Variants in YIPF2 observed in about 807,000 individuals in gnomAD.
YIPF2 encodes the protein Yip1 domain family member 2, also known as protein YIPF2.
Under a neutral mutation model 38.8 loss-of-function variants are expected in YIPF2, and 30 were observed. The ratio of observed to expected loss-of-function variants is 0.77; its 90% CI spans 0.58 to 1.05. The LOEUF (loss-of-function observed/expected upper bound fraction) is 1.05. YIPF2 is among the 50% of genes least tolerant of loss of function. YIPF2 has a pLI of 0.00. For synonymous variants in YIPF2, 194 were observed against 183.8 expected (o/e 1.06, Z -0.45); for missense variants, 401 against 409.7 (o/e 0.98, Z 0.18).
At position 10,923,533 on chromosome 19, in the gene YIPF2, C is replaced by A. The variant is rs746967829; in HGVS notation, c.796G>T (p.Val266Phe). The A allele has an allele frequency of 1.4e-5, 22 of 1,612,444 alleles. No individual in the cohort carries two copies. The Admixed American group carries it at 3.7e-4, about 27-fold the overall frequency. Reference sequence around the variant, plus strand: ...GCCAGGAGGGCGTGGAGCAGCACGACCACGGACAGCAGCACTGTGGCCACC... The same window carrying A: ...GCCAGGAGGGCGTGGAGCAGCACGAACACGGACAGCAGCACTGTGGCCACC... ...RLVATVLLSV[V>F]VLLHALLAMG... The change falls in exon 8 of 10, where the codon GTC becomes TTC. Residue 266 changes from valine (V) to phenylalanine (F), a missense_variant. Coordinates refer to ENST00000586748, the MANE Select transcript of YIPF2 (RefSeq NM_001321439.2).
chr19:10,923,919 C>T lies in YIPF2; in HGVS notation c.565G>A (p.Gly189Ser). The T allele has an allele frequency of 6.2e-7, 1 of 1,613,268 alleles. No homozygotes were observed. The highest frequency in any genetic ancestry group is 8.5e-7 in the Non-Finnish European group (1 of 1,179,734). ...TAGGGCCCCATGCGCTCCTGGACAC[C>T]CTTGCGCCACCGCAGGAAGCCCCAC... ...ALWGFLRWRKGVQERMGPYTF... is the reference protein window; with the variant it reads ...ALWGFLRWRKSVQERMGPYTF... Residue 189 changes from glycine (G) to serine (S), a missense_variant, in exon 7 of 10, where the codon GGT becomes AGT. Transcript: ENST00000586748.
Position 10,925,758 on chromosome 19 carries a change from T to A in YIPF2, c.295A>T (p.Lys99Ter), listed in dbSNP as rs1437326828. Residue 99 changes from lysine to a stop codon, truncating the protein, a stop_gained, in exon 5 of 10, where the codon AAA becomes TAA. Transcript: ENST00000586748. LOFTEE classifies it high-confidence loss of function. ...VDTSQVLDRIKGSLLPRPGHN... is the reference protein window; with the variant it reads ...VDTSQVLDRI ...CCAGGCCGGGGCAGCAGTGAGCCTTTGATCCGGTCCAGGACCTGGGGGCAA... is the reference window on the plus strand; with the variant it reads ...CCAGGCCGGGGCAGCAGTGAGCCTTAGATCCGGTCCAGGACCTGGGGGCAA... 1 of 1,613,828 alleles carries A rather than the reference T, an allele frequency of 6.2e-7. No homozygotes were observed. Among genetic ancestry groups the A allele is most frequent in the Admixed American group, 1.7e-5 (1 of 60,002 alleles).
chr19:10,923,369 A>G lies in YIPF2; in HGVS notation c.873T>C (p.Ala291=). Residue 291 remains alanine, a synonymous_variant, in exon 9 of 10, where the codon GCT becomes GCC. Transcript: ENST00000586748. ...GCAGAGATGTGATTTGGGGTGGAGG[A>G]GCCACGTTCTCCGGAGGCAGCGACT... ...FFQSLPPENV[A]PPPQITSLPS... 3.1e-6 allele frequency: 5 copies of G among 1,613,534 alleles called. No homozygotes were observed. The highest frequency in any genetic ancestry group is 4.2e-6 in the Non-Finnish European group (5 of 1,179,746).
chr19:10,923,985 T>C lies in YIPF2; in HGVS notation c.499A>G (p.Ile167Val). ...PQFHKVTVAG[I>V]SIYCYAWLVP... ...AGCCACGCATAGCAGTAGATGCTGATGCCTGCCACGGTCACTGGGGGGGGC... is the reference window on the plus strand; with the variant it reads ...AGCCACGCATAGCAGTAGATGCTGACGCCTGCCACGGTCACTGGGGGGGGC... The change falls in exon 7 of 10, where the codon ATC becomes GTC. Residue 167 changes from isoleucine (I) to valine (V), a missense_variant. Ile to Val is a conservative substitution (Grantham distance 29). Coordinates refer to ENST00000586748, the MANE Select transcript of YIPF2 (RefSeq NM_001321439.2). 6.2e-7 allele frequency: 1 copy of C among 1,613,118 alleles called. No homozygotes were observed. The highest frequency in any genetic ancestry group is 1.1e-5 in the South Asian group (1 of 91,050).
rs148577538 is a variant in YIPF2, at chr19:10,924,005, G to C, written c.485-6C>G. 5 of 1,612,530 alleles carry C rather than the reference G, an allele frequency of 3.1e-6. No individual in the cohort carries two copies. The highest frequency in any genetic ancestry group is 4.2e-6 in the Non-Finnish European group (5 of 1,179,244). On this transcript the variant is annotated splice_polypyrimidine_tract_variant and splice_region_variant and intron_variant, in intron 6 of 9. Transcript: ENST00000586748. ...GCTGATGCCTGCCACGGTCACTGGG[G>C]GGGGCAAGGTGAGCAGTCACCCCCT...
intron 5 of YIPF2, among the ~76,000 whole-genome samples, chr19:10,924,844 T>C (rs2083397043): frequency 7.3e-6 from 1 of 136,296 alleles, no homozygotes; most frequent in African/African-American, 2.7e-5. Context: ...ACTCTCCACA[T>C]CCACAGTCCC....
At chr19:10,925,477 C>A (rs1263918343) in intron 5 of YIPF2, among the ~76,000 whole-genome samples, 1 of 152,126 alleles carries the variant, frequency 6.6e-6, no homozygotes, top group African/African-American at 2.4e-5. Context: ...CTGCTGCACC[C>A]TGCAGAACTG....
chr19:10,927,684 C>T lies in YIPF2; in HGVS notation c.225G>A (p.Pro75=), dbSNP rs1349380789. 1.2e-6 allele frequency: 2 copies of T among 1,613,740 alleles called. No individual in the cohort carries two copies. The highest frequency in any genetic ancestry group is 1.7e-6 in the Non-Finnish European group (2 of 1,180,016). Residue 75 remains proline, a synonymous_variant, in exon 4 of 10, where the codon CCG becomes CCA. Transcript: ENST00000586748. ...GATAGTAGCTGAAGGTCCAGAATCC[C>T]GGCTGCTGCTGCTGCTGCTGCTCCT... ...LLQEQQQQQQ[P]GFWTFSYYQS... is the part of the protein sequence containing the mutation.
Position 10,923,330 on chromosome 19 carries a change from C to A in YIPF2, c.912G>T (p.Ala304=), listed in dbSNP as rs766189319. Residue 304 remains alanine, a synonymous_variant, in exon 9 of 10, where the codon GCG becomes GCT. Transcript: ENST00000586748. ...GGGACTGCGGCAAGGTAGGGGACAG[C>A]GCGATGTTTGAGGGCAGAGATGTGA... ...PQITSLPSNI[A]LSPTLPQSLA... 6.2e-6 allele frequency: 10 copies of A among 1,612,884 alleles called. No homozygotes were observed. Among genetic ancestry groups the A allele is most frequent in the African/African-American group, 1.3e-5 (1 of 74,840 alleles).
At chr19:10,926,950 A>G (rs2083434812) in intron 4 of YIPF2, among the ~76,000 whole-genome samples, 1 of 151,414 alleles carries the variant, frequency 6.6e-6, no homozygotes, top group Non-Finnish European at 1.5e-5. Flanking sequence ...GCTCACTGCA[A>G]CCTCCGCCTG....
At chr19:10,925,646 G>T in intron 5 of YIPF2, 40 bp downstream of exon 5, 1 of 1,611,818 alleles carries the variant, frequency 6.2e-7, no homozygotes, top group South Asian at 1.1e-5. Context: ...CACACTTGTT[G>T]AGTGATCCAT....
chr19:10,925,685 C>T lies in YIPF2; in HGVS notation c.367+1G>A, dbSNP rs1294390235. ...GGAACCAAATGCACAACCTCACTCA[C>T]CATACAGATCCGGCCGATTCCGCAG... On this transcript the variant is annotated splice_donor_variant, in intron 5 of 9. Transcript: ENST00000586748. LOFTEE classifies it high-confidence loss of function. 1 of 1,613,902 alleles carries T rather than the reference C, an allele frequency of 6.2e-7. No individual in the cohort carries two copies. Among genetic ancestry groups the T allele is most frequent in the Non-Finnish European group, 8.5e-7 (1 of 1,179,996 alleles).
chr19:10,923,865 C>T lies in YIPF2; in HGVS notation c.619G>A (p.Gly207Ser), dbSNP rs767575859. Residue 207 changes from glycine (G) to serine (S), a missense_variant, in exon 7 of 10, where the codon GGC becomes AGC. Transcript: ENST00000586748. ...YTFLETVCIY[G>S]YSLFVFIPMV... ...GGGATGAAGACAAAGAGGGAGTAGC[C>T]GTAGATGCACACAGTCTCCAGGAAG... 12 of 1,613,132 alleles carry T rather than the reference C, an allele frequency of 7.4e-6. No individual in the cohort carries two copies. The highest frequency in any genetic ancestry group is 4.0e-5 in the African/African-American group (3 of 74,880).
intron 2 of YIPF2, 109 bp downstream of exon 2, chr19:10,928,271 G>T (rs1268593128): frequency 3.1e-6 from 4 of 1,282,304 alleles, no homozygotes; most frequent in Non-Finnish European, 4.0e-6. Context: ...CCTGGGTCAG[G>T]GTTCACAGCC....
At position 10,925,739 on chromosome 19, in the gene YIPF2, C is replaced by T. The variant is rs148361413; in HGVS notation, c.314G>A (p.Arg105Gln). ...GTGCCGCACAAAGTTGTGGCCAGGC[C>T]GGGGCAGCAGTGAGCCTTTGATCCG... Reference protein sequence around the residue: ...LDRIKGSLLPRPGHNFVRHHL... With the variant: ...LDRIKGSLLPQPGHNFVRHHL... The change falls in exon 5 of 10, where the codon CGG (arginine) becomes CAG (glutamine). Residue 105 changes from arginine (R) to glutamine (Q), a missense_variant. Coordinates refer to ENST00000586748, the MANE Select transcript of YIPF2 (RefSeq NM_001321439.2). The T allele has an allele frequency of 2.4e-5, 38 of 1,613,772 alleles. No homozygotes were observed. Among genetic ancestry groups the T allele is most frequent in the Non-Finnish European group, 2.8e-5 (33 of 1,179,994 alleles).
chr19:10,923,816 C>CCA lies in YIPF2; in HGVS notation c.651+16_651+17insTG. On this transcript the variant is annotated intron_variant, in intron 7 of 9. Coordinates refer to ENST00000586748, the MANE Select transcript of YIPF2 (RefSeq NM_001321439.2). ...CCCCACACAGCCACCACCCACTCCG[C>CCA]GCCAGGCCACACTCACCACCATGGG... 1 of 1,609,100 alleles carries CCA rather than the reference C, an allele frequency of 6.2e-7. No individual in the cohort carries two copies. The highest frequency in any genetic ancestry group is 8.5e-7 in the Non-Finnish European group (1 of 1,177,588).
chr19:10,926,090 TAATA>T (rs2083420924), intron 4 of YIPF2, among the ~76,000 whole-genome samples: 1 of 151,860 alleles, frequency 6.6e-6, no homozygotes, highest in African/African-American at 2.4e-5. Flanking sequence ...GTTGTATTTT[TAATA>T]GAGACGGGAT....
intron 4 of YIPF2, among the ~76,000 whole-genome samples, chr19:10,926,191 G>C (rs187195650): frequency 6.6e-6 from 1 of 151,236 alleles, no homozygotes; most frequent in African/African-American, 2.4e-5. Context: ...GATTACAGGC[G>C]TGAGCCACCG....
Position 10,928,425 on chromosome 19 carries a change from G to A in YIPF2, c.-15C>T. The A allele has an allele frequency of 1.5e-6, 2 of 1,334,450 alleles. No individual in the cohort carries two copies. Among genetic ancestry groups the A allele is most frequent in the Non-Finnish European group, 1.9e-6 (2 of 1,038,256 alleles). The allele number at this position is 1,334,450 out of a possible 1,614,324, so 82.7% of individuals were successfully genotyped here. A position where few individuals can be genotyped will look rare whatever the true frequency, so the allele number is the denominator to read the frequency against. On this transcript the variant is annotated 5_prime_UTR_variant, in exon 2 of 10. The change creates a new upstream start codon in the 5' untranslated region. Transcript: ENST00000586748. ...GCCGATGCCATGGTCGTTCAGGGGCGTCTCCGCATCCCTCGCTGAGGACAG... is the reference window on the plus strand; with the variant it reads ...GCCGATGCCATGGTCGTTCAGGGGCATCTCCGCATCCCTCGCTGAGGACAG...
Sources: allele counts gnomAD v4.1 joint callset (sites outside exome capture counted in the v4.1 genomes callset), GRCh38; gene constraint gnomAD v4.1.1; transcripts MANE v1.5; gene names NCBI Gene and HGNC (gene_info 2026-07-23, HGNC 2026-07-21).